Variants in STRN observed in about 807,000 individuals in gnomAD.
The protein encoded by STRN is protein phosphatase 2 regulatory subunit B'''alpha.
Under a neutral mutation model 96.3 loss-of-function variants are expected in STRN, and 53 were observed. The observed-to-expected ratio is 0.55, with a 90% CI of 0.44 to 0.69. STRN has a LOEUF of 0.69. Among genes scored for constraint, STRN ranks in the 30% least tolerant of loss-of-function variants. The pLI is 0.00. For synonymous variants in STRN, 428 were observed against 355.9 expected (o/e 1.20, Z -2.28); for missense variants, 987 against 963.9 (o/e 1.02, Z -0.32).
chr2:36,903,533 A>G (rs1271621808), intron 4 of STRN, among the ~76,000 whole-genome samples: 1 of 152,238 alleles, frequency 6.6e-6, no homozygotes, highest in Non-Finnish European at 1.5e-5. Flanking sequence ...TGGGAAGACC[A>G]TGAAAAAGGT....
At chr2:36,925,818 G>A (rs1258229176) in intron 1 of STRN, among the ~76,000 whole-genome samples, 2 of 152,114 alleles carry the variant, frequency 1.3e-5, no homozygotes, top group East Asian at 1.9e-4. Flanking sequence ...CAAATGCAAG[G>A]TGTACAGTAC....
At chr2:36,873,444 C>T (rs970461825) in intron 10 of STRN, among the ~76,000 whole-genome samples, 8 of 152,038 alleles carry the variant, frequency 5.3e-5, no homozygotes, top group Non-Finnish European at 1.2e-4. Context: ...TCTGTAGTCC[C>T]AGGTACTCAA....
At position 36,838,552 on chromosome 2, in the gene STRN, A is replaced by AT. The variant is rs1431294534; in HGVS notation, c.*10903dup. ...CAGGATTTTTTTCTTTTTTCTACGTATTTTTTAATGTTACAATAGTTATTG... is the reference window on the plus strand; with the variant it reads ...CAGGATTTTTTTCTTTTTTCTACGTATTTTTTTAATGTTACAATAGTTATTG... On this transcript the variant is annotated 3_prime_UTR_variant, in exon 18 of 18. Transcript: ENST00000263918. 6.6e-6 allele frequency among the ~76,000 whole-genome samples: 1 copy of AT among 152,142 alleles called. No individual in the cohort carries two copies. The highest frequency in any genetic ancestry group is 1.5e-5 in the Non-Finnish European group (1 of 68,012).
At chr2:36,923,782 A>T (rs565928475) in intron 2 of STRN, among the ~76,000 whole-genome samples, 24 of 152,346 alleles carry the variant, frequency 1.6e-4, no homozygotes, top group Non-Finnish European at 2.9e-4. Context: ...TTAAAAACAA[A>T]GCAAAAAAGT....
In STRN at chr2:36,878,578, A is replaced by G. The variant is rs756067331; in HGVS notation, c.1187-551T>C. Among the ~76,000 whole-genome samples, 137 of 152,152 alleles carry G rather than the reference A, an allele frequency of 9.0e-4. 1 individual carries two copies. The highest frequency in any genetic ancestry group is 1.4e-3 in the Non-Finnish European group (95 of 68,026). ...TAGTGATTAAAGAAAGGAAGCAACA[A>G]CAGGACTTCCAGGGCCCTGGTAATG... On this transcript the variant is annotated intron_variant, in intron 9 of 17. Coordinates refer to ENST00000263918, the MANE Select transcript of STRN (RefSeq NM_003162.4).
chr2:36,916,630 G>C (rs1209850302), intron 2 of STRN, among the ~76,000 whole-genome samples: 2 of 152,176 alleles, frequency 1.3e-5, no homozygotes, highest in Admixed American at 6.5e-5. Context: ...TGCCAAATAT[G>C]CATTATACTG....
At position 36,838,911 on chromosome 2, in the gene STRN, TATC is replaced by T. The variant is rs1490876356; in HGVS notation, c.*10542_*10544del. On this transcript the variant is annotated 3_prime_UTR_variant, in exon 18 of 18. Coordinates refer to ENST00000263918, the MANE Select transcript of STRN (RefSeq NM_003162.4). Reference sequence around the variant, plus strand: ...ATTTAAAGCAAACTGCCCACCAAAATATCTTCTCATTAACGTTAGACTGTATAT... The same window carrying T: ...ATTTAAAGCAAACTGCCCACCAAAATTTCTCATTAACGTTAGACTGTATAT... Among the ~76,000 whole-genome samples the T allele has an allele frequency of 2.6e-5, 4 of 152,232 alleles. No individual in the cohort carries two copies. The highest frequency in any genetic ancestry group is 4.4e-5 in the Non-Finnish European group (3 of 68,044).
chr2:36,902,715 T>C lies in STRN; in HGVS notation c.528A>G (p.Leu176=). Reference sequence around the variant, plus strand: ...CTCGCACTCGTTTAGATTTCACATCTAGAATAGTATCTGTATAACCCACCT... The same window carrying C: ...CTCGCACTCGTTTAGATTTCACATCCAGAATAGTATCTGTATAACCCACCT... ...LQEVGYTDTI[L]DVKSKRVRAL... Residue 176 remains leucine (L), a synonymous_variant, in exon 5 of 18, where the codon CTA becomes CTG. Coordinates refer to ENST00000263918, the MANE Select transcript of STRN (RefSeq NM_003162.4). The C allele has an allele frequency of 6.8e-6, 11 of 1,610,478 alleles. No individual in the cohort carries two copies. Among genetic ancestry groups the C allele is most frequent in the Non-Finnish European group, 9.3e-6 (11 of 1,177,552 alleles).
At chr2:36,862,658 G>C (rs1359746165) in intron 12 of STRN, among the ~76,000 whole-genome samples, 1 of 151,906 alleles carries the variant, frequency 6.6e-6, no homozygotes, top group Non-Finnish European at 1.5e-5. Context: ...CATTTTTCAT[G>C]TCTGTTGGCC....
chr2:36,912,045 T>C (rs1669976119), intron 3 of STRN, among the ~76,000 whole-genome samples: 1 of 152,080 alleles, frequency 6.6e-6, no homozygotes, highest in African/African-American at 2.4e-5. Flanking sequence ...CAAACAGAAA[T>C]CCAAATCTAT....
intron 8 of STRN, among the ~76,000 whole-genome samples, chr2:36,886,280 C>T (rs915564536): frequency 5.3e-5 from 8 of 151,992 alleles, no homozygotes; most frequent in Non-Finnish European, 8.8e-5. Flanking sequence ...ATAGAATATT[C>T]AGGGGTAGAA....
Position 36,845,646 on chromosome 2 carries a change from T to C in STRN, c.*3810A>G, listed in dbSNP as rs1261572106. On this transcript the variant is annotated 3_prime_UTR_variant, in exon 18 of 18. Coordinates refer to ENST00000263918, the MANE Select transcript of STRN (RefSeq NM_003162.4). ...ATTTACTTAGCCAACATTAATGAGA[T>C]CCCATAATTTTGGTGAACAAATAAT... is the stretch of plus-strand genomic sequence containing the variant. 6.6e-6 allele frequency: 1 copy of C among 152,082 alleles called. No individual in the cohort carries two copies. Among genetic ancestry groups the C allele is most frequent in the Non-Finnish European group, 1.5e-5 (1 of 68,000 alleles). 9.4% of individuals were successfully genotyped at this position (152,082 alleles called of 1,614,324 possible).
At chr2:36,894,148 C>G in intron 6 of STRN, 115 bp from the exon 7 acceptor site, 1 of 1,140,436 alleles carries the variant, frequency 8.8e-7, no homozygotes, top group African/African-American at 1.6e-5. Flanking sequence ...AATAACTGTA[C>G]TACCTAACTC....
intron 14 of STRN, among the ~76,000 whole-genome samples, chr2:36,857,387 A>C (rs1668372635): frequency 6.6e-6 from 1 of 152,112 alleles, no homozygotes; most frequent in African/African-American, 2.4e-5. Flanking sequence ...GCTTTCAAAA[A>C]TTATAGGCTG....
intron 2 of STRN, among the ~76,000 whole-genome samples, chr2:36,920,834 T>G (rs1054511506): frequency 8.6e-5 from 13 of 151,954 alleles, no homozygotes; most frequent in Non-Finnish European, 5.9e-5. Flanking sequence ...CCCAACACTT[T>G]CGGAGGCCAA....
At chr2:36,866,110 T>C (rs903650338) in intron 12 of STRN, among the ~76,000 whole-genome samples, 2 of 152,182 alleles carry the variant, frequency 1.3e-5, no homozygotes, top group Admixed American at 6.5e-5. Context: ...TCGCTCGCTC[T>C]GTTTCCCAGG....
At chr2:36,880,233 G>C (rs1669032558) in intron 9 of STRN, among the ~76,000 whole-genome samples, 1 of 152,220 alleles carries the variant, frequency 6.6e-6, no homozygotes, top group Non-Finnish European at 1.5e-5. Flanking sequence ...CTCCCAAAGT[G>C]TTGGGATTAC....
Position 36,851,067 on chromosome 2 carries a change from A to G in STRN, c.2019T>C (p.His673=). The G allele has an allele frequency of 6.2e-7, 1 of 1,613,808 alleles. No individual in the cohort carries two copies. The highest frequency in any genetic ancestry group is 8.5e-7 in the Non-Finnish European group (1 of 1,179,864). The change falls in exon 16 of 18, where the codon CAT becomes CAC. Residue 673 remains histidine, a synonymous_variant. Transcript: ENST00000263918. Reference sequence around the variant, plus strand: ...CAGTGATGCTGATCGGAAGAGTAGGATGACTGATGACTCTATTTATTTGGC... The same window carrying G: ...CAGTGATGCTGATCGGAAGAGTAGGGTGACTGATGACTCTATTTATTTGGC... ...SSCQINRVIS[H]PTLPISITAH...
intron 1 of STRN, among the ~76,000 whole-genome samples, chr2:36,942,876 G>C (rs983894519): frequency 1.0e-4 from 15 of 143,576 alleles, no homozygotes; most frequent in Middle Eastern, 7.1e-3. Flanking sequence ...TTGAATTTTT[G>C]GTAAAGACAG....
Sources: allele counts gnomAD v4.1 joint callset (sites outside exome capture counted in the v4.1 genomes callset), GRCh38; gene constraint gnomAD v4.1.1; transcripts MANE v1.5; gene names NCBI Gene and HGNC (gene_info 2026-07-23, HGNC 2026-07-21).